Variants in NOTCH1 observed in about 807,000 individuals in gnomAD.
NOTCH1 encodes the protein notch receptor 1.
A neutral mutation model predicts 254.8 loss-of-function variants in NOTCH1; 37 were observed. The ratio of observed to expected loss-of-function variants is 0.15; its 90% CI spans 0.11 to 0.19. The LOEUF (loss-of-function observed/expected upper bound fraction) is 0.19, where lower values mean the gene tolerates loss of function less well. NOTCH1 is among the 10% of genes least tolerant of loss of function. The pLI, the probability that NOTCH1 is intolerant of heterozygous loss-of-function variation, is 1.00. For missense variants in NOTCH1, 2,972 were observed against 3,708.6 expected, an observed-to-expected ratio of 0.80 and a Z score of 5.16; for synonymous variants, 1,731 against 1,618.1, an observed-to-expected ratio of 1.07 and a Z score of -1.68.
rs2133316581 is a variant in NOTCH1 at position 136,496,741 on chromosome 9, C to T, written c.6998G>A (p.Gly2333Asp). ...GGAGGGGGCCTGTGTGCTCAGGGGG[C>T]CTGGTGCCACACTCCCCCGCAGAGG... ...YNPLRGSVAP[G>D]PLSTQAPSLQ... The change falls in exon 34 of 34, where the codon GGC becomes GAC. Residue 2333 changes from glycine to aspartate, a missense_variant. Physicochemically the swap from Gly to Asp is moderately conservative, Grantham distance 94 (BLOSUM62 -1). Around this residue, in one of 8 missense-constraint regions of NOTCH1, gnomAD observed 529 missense variants for 529.2 expected, o/e 1.00. Coordinates refer to ENST00000651671, the MANE Select transcript of NOTCH1 (RefSeq NM_017617.5). 1 of 1,612,736 alleles carries T rather than the reference C, an allele frequency of 6.2e-7. No homozygotes were observed. Among genetic ancestry groups the T allele is most frequent in the South Asian group, 1.1e-5 (1 of 91,086 alleles).
At position 136,540,072 on chromosome 9, in the gene NOTCH1, A is replaced by G. The variant is rs1843709357; in HGVS notation, c.140+3952T>C. On this transcript the variant is annotated intron_variant, in intron 2 of 33. Coordinates refer to ENST00000651671, the MANE Select transcript of NOTCH1 (RefSeq NM_017617.5). The surrounding 1 kb of genome is among the most constrained non-coding windows in gnomAD (Gnocchi z 4.4). ...CTGTGTGACCCTGGGGCTGATGGCG[A>G]CTTCTCTGGGTCTCTTCTTCTCACT... Among the ~76,000 whole-genome samples the G allele has an allele frequency of 6.6e-6, 1 of 152,088 alleles. No individual in the cohort carries two copies. The highest frequency in any genetic ancestry group is 1.5e-5 in the Non-Finnish European group (1 of 68,008).
chr9:136,529,671 C>A (rs1843527418), intron 2 of NOTCH1, among the ~76,000 whole-genome samples: 1 of 152,356 alleles, frequency 6.6e-6, no homozygotes, highest in South Asian at 2.1e-4. Context: ...TGTCCCAACC[C>A]CTGTTCAAAC....
chr9:136,512,048 G>A (rs1009949266), intron 15 of NOTCH1, among the ~76,000 whole-genome samples: 15 of 152,234 alleles, frequency 9.9e-5, no homozygotes, highest in African/African-American at 3.6e-4. Context: ...CGGTGACCCG[G>A]GCAGGCAGGA....
chr9:136,503,416 G>A (rs1002804916), intron 26 of NOTCH1, 86 bp from the exon 27 acceptor site: 7 of 1,593,790 alleles, frequency 4.4e-6, no homozygotes, highest in Middle Eastern at 2.0e-4. Flanking sequence ...AGGACACTGA[G>A]GCCCATGACG....
In NOTCH1 at chr9:136,513,054, C is replaced by T. The variant is rs201620755; in HGVS notation, c.2434G>A (p.Gly812Arg). The change falls in exon 15 of 34, where the codon GGG becomes AGG. Residue 812 changes from glycine to arginine, a missense_variant. By Grantham distance (125) the Gly-to-Arg change is moderately radical. Transcript: ENST00000651671. This position sits in a 1 kb window ranked among gnomAD's most constrained non-coding sequence, Gnocchi z 4.7. ...NQGTCIDDVA[G>R]YKCNCLLPYT... ...GGCAGCAGGCAGTTGCACTTGTACC[C>T]GGCAACGTCGTCAATACACGTGCCC... 107 of 1,612,328 alleles carry T rather than the reference C, an allele frequency of 6.6e-5. No individual in the cohort carries two copies. Among genetic ancestry groups the T allele is most frequent in the African/African-American group, 6.5e-4 (49 of 74,846 alleles).
rs1045823683 is a variant in NOTCH1, at chr9:136,540,570, C to T, written c.140+3454G>A. ...GAGCGCTGACCAGGTGCCCTCTCCACACGGTTCTCATGCAATCCTCACACA... is the reference window on the plus strand; with the variant it reads ...GAGCGCTGACCAGGTGCCCTCTCCATACGGTTCTCATGCAATCCTCACACA... On this transcript the variant is annotated intron_variant, in intron 2 of 33. Transcript: ENST00000651671. The surrounding 1 kb of genome is among the most constrained non-coding windows in gnomAD (Gnocchi z 4.4). Among the ~76,000 whole-genome samples, 1 of 152,200 alleles carries T rather than the reference C, an allele frequency of 6.6e-6. No homozygotes were observed. Among genetic ancestry groups the T allele is most frequent in the Non-Finnish European group, 1.5e-5 (1 of 68,036 alleles).
At position 136,502,466 on chromosome 9, in the gene NOTCH1, C is replaced by T. The variant is rs369854704; in HGVS notation, c.5190G>A (p.Pro1730=). The T allele has an allele frequency of 2.5e-5, 40 of 1,583,916 alleles. No homozygotes were observed. The highest frequency in any genetic ancestry group is 6.7e-5 in the African/African-American group (5 of 74,278). ...AVQSETVEPP[P]PAQLHFMYVA... ...CGTACATGAAGTGCAGCTGCGCCGG[C>T]GGGGGCGGCTCCACGGTCTCACCTG... The change falls in exon 28 of 34, where the codon CCG becomes CCA. Residue 1730 remains proline (P), a synonymous_variant. Transcript: ENST00000651671.
chr9:136,531,801 T>G (rs1258076177), intron 2 of NOTCH1, among the ~76,000 whole-genome samples: 1 of 152,190 alleles, frequency 6.6e-6, no homozygotes, highest in East Asian at 1.9e-4. Context: ...CCAGGACACC[T>G]CTGTGTGCCT....
chr9:136,509,602 G>C, intron 18 of NOTCH1, 131 bp downstream of exon 18: 2 of 784,272 alleles, frequency 2.6e-6, no homozygotes, highest in Non-Finnish European at 4.4e-6. Flanking sequence ...ACAATGTCTG[G>C]ACTCAATGCA....
rs369356762 is a variant in NOTCH1 at position 136,532,594 on chromosome 9, T to C, written c.141-8615A>G. On this transcript the variant is annotated intron_variant, in intron 2 of 33. Transcript: ENST00000651671. ...GTGCCGCCCGAGACCCAGCTACACC[T>C]CCCACAGCCGCCATGACTCCGTAGC... is the stretch of plus-strand genomic sequence containing the variant. 3.4e-3 allele frequency among the ~76,000 whole-genome samples: 516 copies of C among 151,976 alleles called. 2 individuals are homozygous for C. The highest frequency in any genetic ancestry group is 0.012 in the African/African-American group (497 of 41,426).
Position 136,545,940 on chromosome 9 carries a change from G to A in NOTCH1, c.-154C>T, listed in dbSNP as rs1394739848. On this transcript the variant is annotated 5_prime_UTR_variant, in exon 1 of 34. Transcript: ENST00000651671. The surrounding 1 kb of genome is among the most constrained non-coding windows in gnomAD (Gnocchi z 6.8). ...GGCTGGCGGCGCTGTGCTCTCGCAG[G>A]CCCCCGGGCCCGGCTCCGCGCCCGG... Among the ~76,000 whole-genome samples, 3 of 147,736 alleles carry A rather than the reference G, an allele frequency of 2.0e-5. No homozygotes were observed. The highest frequency in any genetic ancestry group is 3.0e-5 in the Non-Finnish European group (2 of 66,314).
rs1004934663 is a variant in NOTCH1 at position 136,513,934 on chromosome 9, T to C, written c.2208-397A>G. On this transcript the variant is annotated intron_variant, in intron 13 of 33. Coordinates refer to ENST00000651671, the MANE Select transcript of NOTCH1 (RefSeq NM_017617.5). This position sits in a 1 kb window ranked among gnomAD's most constrained non-coding sequence, Gnocchi z 4.7. ...GTGAGCTGAGATCATGCCATTGCAC[T>C]CCAGCCTGGACAACAGAGCAAGGCT... is the stretch of plus-strand genomic sequence containing the variant. 1.3e-5 allele frequency among the ~76,000 whole-genome samples: 2 copies of C among 152,098 alleles called. No homozygotes were observed. Among genetic ancestry groups the C allele is most frequent in the African/African-American group, 2.4e-5 (1 of 41,408 alleles).
chr9:136,508,325 G>T lies in NOTCH1; in HGVS notation c.3232C>A (p.His1078Asn), dbSNP rs1233569898. ...GGGCACTCGCAGCGGTACTGGGTGT[G>T]GGTCTGCCAGCATTTGCCGCCGTTC... is the stretch of plus-strand genomic sequence containing the variant. The part of the protein sequence containing the change: ...CKNGGKCWQT[H>N]TQYRCECPSG... The change falls in exon 20 of 34, where the codon CAC becomes AAC. Residue 1078 changes from histidine (H) to asparagine (N), a missense_variant. By Grantham distance (68) the His-to-Asn change is moderately conservative (BLOSUM62 1). Around this residue, in one of 8 missense-constraint regions of NOTCH1, gnomAD observed 1,343 missense variants for 1,557.0 expected, o/e 0.86. Coordinates refer to ENST00000651671, the MANE Select transcript of NOTCH1 (RefSeq NM_017617.5). The T allele has an allele frequency of 6.2e-7, 1 of 1,613,056 alleles. No individual in the cohort carries two copies. Among genetic ancestry groups the T allele is most frequent in the African/African-American group, 1.3e-5 (1 of 75,042 alleles).
intron 9 of NOTCH1, among the ~76,000 whole-genome samples, chr9:136,516,783 G>C (rs560603156): frequency 3.9e-5 from 6 of 152,292 alleles, no homozygotes; most frequent in African/African-American, 1.2e-4. Flanking sequence ...GCTCCACCGC[G>C]ACCCCTGGGC....
chr9:136,511,807 C>T (rs1843185766), intron 15 of NOTCH1, among the ~76,000 whole-genome samples: 1 of 152,244 alleles, frequency 6.6e-6, no homozygotes, highest in Non-Finnish European at 1.5e-5. Context: ...GCCCCCAGCA[C>T]ATCCTGCGTG....
chr9:136,535,796 G>A, intron 2 of NOTCH1, among the ~76,000 whole-genome samples: 1 of 113,462 alleles, frequency 8.8e-6, no homozygotes, highest in East Asian at 2.8e-4. Flanking sequence ...GGAGCACTCA[G>A]GATCCCTCCC....
chr9:136,500,303 C>T (rs1408051186), intron 31 of NOTCH1, among the ~76,000 whole-genome samples: 3 of 152,244 alleles, frequency 2.0e-5, no homozygotes, highest in Non-Finnish European at 4.4e-5. Context: ...GGTGCTGCCT[C>T]ACTCAGCAGA....
intron 27 of NOTCH1, 173 bp downstream of exon 27, chr9:136,503,009 G>T: frequency 1.1e-6 from 1 of 943,984 alleles, no homozygotes; most frequent in Non-Finnish European, 1.6e-6. Flanking sequence ...TGTGACCGCC[G>T]CAGGTGGGGG....
chr9:136,526,684 C>T (rs1329007885), intron 2 of NOTCH1, among the ~76,000 whole-genome samples: 1 of 152,246 alleles, frequency 6.6e-6, no homozygotes, highest in African/African-American at 2.4e-5. Flanking sequence ...GCCCCACTCC[C>T]CACCCTGAGC....
Sources: allele counts gnomAD v4.1 joint callset (sites outside exome capture counted in the v4.1 genomes callset), GRCh38; gene constraint gnomAD v4.1.1; regional missense constraint gnomAD v4.1.1; non-coding constraint Gnocchi (gnomAD v3.1); transcripts MANE v1.5; gene names NCBI Gene and HGNC (gene_info 2026-07-23, HGNC 2026-07-21).